The following MYO3B variants were observed in gnomAD, a reference collection of about 807,000 sequenced individuals.
MYO3B encodes myosin-IIIb.
In MYO3B, 156 loss-of-function variants were observed where a neutral mutation model predicts 174.6. The ratio of observed to expected loss-of-function variants is 0.89; its 90% CI spans 0.78 to 1.02. The LOEUF is 1.02. MYO3B is among the 50% of genes least tolerant of loss of function. The pLI is 0.00. For missense variants in MYO3B, 1,632 were observed against 1,639.4 expected (o/e 1.00, Z 0.08); for synonymous variants, 563 against 569.1 (o/e 0.99, Z 0.15).
chr2:170,340,366 A>G (rs2093969522), intron 8 of MYO3B: 1 of 152,184 alleles, frequency 6.6e-6, no homozygotes, highest in African/African-American at 2.4e-5. Context: ...GGATTTAATG[A>G]TGACTTGAAC....
rs753907670 is a variant in MYO3B, at chr2:170,431,442, C to T, written c.2651-12525C>T. On this transcript the variant is annotated intron_variant, in intron 22 of 34. Coordinates refer to ENST00000408978, the MANE Select transcript of MYO3B (RefSeq NM_138995.5). The stretch of plus-strand genomic sequence containing the variant: ...GACATCCTGTTTATGAGTTTTAAAG[C>T]TTAAGGAGAAAGGAAGGAGTTAACT... 3.5e-4 allele frequency among the ~76,000 whole-genome samples: 54 copies of T among 152,148 alleles called. 1 individual carries two copies. The highest frequency in any genetic ancestry group is 1.3e-4 in the Admixed American group (2 of 15,274).
At chr2:170,234,944 G>A (rs1344157008) in intron 6 of MYO3B, among the ~76,000 whole-genome samples, 1 of 152,112 alleles carries the variant, frequency 6.6e-6, no homozygotes, top group Non-Finnish European at 1.5e-5. Context: ...CCTCTGCACA[G>A]TAGCCAGAGT....
intron 7 of MYO3B, among the ~76,000 whole-genome samples, chr2:170,295,953 A>C (rs895291754): frequency 1.3e-5 from 2 of 152,206 alleles, no homozygotes; most frequent in Non-Finnish European, 2.9e-5. Flanking sequence ...AAGCCAGTAG[A>C]GTGCACCTTT....
chr2:170,296,072 C>T (rs1199750538), intron 7 of MYO3B, among the ~76,000 whole-genome samples: 1 of 152,170 alleles, frequency 6.6e-6, no homozygotes, highest in Non-Finnish European at 1.5e-5. Context: ...TGCTCTTACG[C>T]TCATCTTAGC....
At chr2:170,494,885 A>G (rs1348134636) in intron 25 of MYO3B, among the ~76,000 whole-genome samples, 1 of 152,202 alleles carries the variant, frequency 6.6e-6, no homozygotes, top group Non-Finnish European at 1.5e-5. Flanking sequence ...CTTGAGCCCC[A>G]TGTCCTTCTC....
chr2:170,464,755 T>A lies in MYO3B; in HGVS notation c.2808+1310T>A, dbSNP rs1684512453. On this transcript the variant is annotated intron_variant, in intron 24 of 34. Coordinates refer to ENST00000408978, the MANE Select transcript of MYO3B (RefSeq NM_138995.5). ...ATGTTTGGTTATTTATAATTGCTAC[T>A]TATTTCTTATATTGAGACACACCTG... Among the ~76,000 whole-genome samples the A allele has an allele frequency of 1.3e-5, 2 of 152,206 alleles. 1 individual carries two copies. Among genetic ancestry groups the A allele is most frequent in the South Asian group, 4.1e-4 (2 of 4,834 alleles).
At chr2:170,585,213 A>T (rs986505343) in intron 32 of MYO3B, among the ~76,000 whole-genome samples, 2 of 152,232 alleles carry the variant, frequency 1.3e-5, no homozygotes, top group African/African-American at 4.8e-5. Context: ...CTGATAAATA[A>T]GTCTTACACA....
At chr2:170,431,020 T>G (rs1309056576) in intron 22 of MYO3B, among the ~76,000 whole-genome samples, 1 of 152,222 alleles carries the variant, frequency 6.6e-6, no homozygotes, top group Non-Finnish European at 1.5e-5. Context: ...CTGATTGCTC[T>G]GAGATTGGAA....
intron 32 of MYO3B, among the ~76,000 whole-genome samples, chr2:170,650,547 C>T (rs1698920112): frequency 6.6e-6 from 1 of 151,774 alleles, no homozygotes; most frequent in African/African-American, 2.4e-5. Flanking sequence ...TATTCTATGA[C>T]AGAGGTGTGT....
chr2:170,527,303 CA>C (rs1184294310), intron 30 of MYO3B, among the ~76,000 whole-genome samples: 1 of 152,106 alleles, frequency 6.6e-6, no homozygotes, highest in Non-Finnish European at 1.5e-5. Flanking sequence ...GGGAGGTCTT[CA>C]AAAGTACACA....
At chr2:170,578,062 C>A (rs1400745850) in intron 32 of MYO3B, among the ~76,000 whole-genome samples, 1 of 152,166 alleles carries the variant, frequency 6.6e-6, no homozygotes, top group Non-Finnish European at 1.5e-5. Context: ...GGCCCAAACC[C>A]TCTCTAAACA....
chr2:170,470,038 G>C (rs149274210), intron 25 of MYO3B, among the ~76,000 whole-genome samples: 6 of 138,908 alleles, frequency 4.3e-5, no homozygotes, highest in Non-Finnish European at 9.0e-5. Context: ...GGAGGTGAAG[G>C]TTGTAGTGAG....
intron 5 of MYO3B, 62 bp downstream of exon 5, chr2:170,214,890 T>C: frequency 1.6e-6 from 2 of 1,272,772 alleles, no homozygotes; most frequent in Non-Finnish European, 2.3e-6. Flanking sequence ...GGACAATTTA[T>C]TGCAATCTCA....
At chr2:170,475,778 C>G (rs13035033) in intron 25 of MYO3B, among the ~76,000 whole-genome samples, 29,432 of 152,246 alleles carry the variant, frequency 0.19, 3,641 homozygotes, top group Non-Finnish European at 0.27. Context: ...GGGACGAGGT[C>G]TAAAGCCTTT....
At chr2:170,254,793 C>A (rs768969530) in intron 7 of MYO3B, among the ~76,000 whole-genome samples, 2 of 152,180 alleles carry the variant, frequency 1.3e-5, no homozygotes, top group Non-Finnish European at 2.9e-5. Flanking sequence ...GGTATCCCAC[C>A]CTGTGCAAGA....
At chr2:170,216,124 G>GCCGTGAACACAA (rs2092825342) in intron 5 of MYO3B, among the ~76,000 whole-genome samples, 1 of 151,964 alleles carries the variant, frequency 6.6e-6, no homozygotes, top group Admixed American at 6.6e-5. Flanking sequence ...GAGAATGTCC[G>GCCGTGAACACAA]CAGTCATCCC....
intron 34 of MYO3B, among the ~76,000 whole-genome samples, 154 bp from the exon 35 acceptor site, chr2:170,652,829 C>G (rs1699096106): frequency 6.6e-6 from 1 of 152,204 alleles, no homozygotes; most frequent in Admixed American, 6.5e-5. Flanking sequence ...TACCTCTGTA[C>G]TGGGAGACCC....
chr2:170,561,576 C>T (rs1691714188), intron 32 of MYO3B, among the ~76,000 whole-genome samples: 1 of 152,236 alleles, frequency 6.6e-6, no homozygotes, highest in South Asian at 2.1e-4. Context: ...TTAATACCTT[C>T]ATGTTCCCAT....
At chr2:170,339,430 C>A (rs1287011677) in intron 8 of MYO3B, among the ~76,000 whole-genome samples, 1 of 152,164 alleles carries the variant, frequency 6.6e-6, no homozygotes, top group Non-Finnish European at 1.5e-5. Flanking sequence ...GGTCACTACC[C>A]ACCAAAAGAT....
Sources: gnomAD v4.1 joint callset for allele counts (sites outside exome capture counted in the v4.1 genomes callset) on GRCh38, gnomAD v4.1.1 for gene constraint, MANE v1.5 for transcripts, NCBI Gene and HGNC (gene_info 2026-07-23, HGNC 2026-07-21) for gene names.